Variants in CSMD1 observed in about 807,000 individuals in gnomAD.
CSMD1 encodes the protein CUB and sushi domain-containing protein 1.
Under a neutral mutation model 417.5 loss-of-function variants are expected in CSMD1, and 213 were observed. The observed-to-expected ratio is 0.51, with a 90% CI of 0.46 to 0.57. The LOEUF is 0.57. Among genes scored for constraint, CSMD1 ranks in the 20% least tolerant of loss-of-function variants. CSMD1 has a pLI of 0.00. For missense variants in CSMD1, 6,923 were observed against 4,529.7 expected, an observed-to-expected ratio of 1.53 and a Z score of -15.17; for synonymous variants, 2,862 against 1,736.8, an observed-to-expected ratio of 1.65 and a Z score of -16.11.
At chr8:3,463,477 G>T (rs190760842) in intron 12 of CSMD1, among the ~76,000 whole-genome samples, 1 of 152,176 alleles carries the variant, frequency 6.6e-6, no homozygotes, top group South Asian at 2.1e-4. Context: ...TTGAAGCCAC[G>T]TCCTGCAGCT....
intron 3 of CSMD1, among the ~76,000 whole-genome samples, chr8:4,377,012 C>A (rs1015622848): frequency 6.6e-6 from 1 of 152,204 alleles, no homozygotes. Flanking sequence ...GACACAGGTA[C>A]AGTGGCAAGT....
At chr8:4,456,721 G>A (rs1234076921) in intron 2 of CSMD1, among the ~76,000 whole-genome samples, 2 of 152,110 alleles carry the variant, frequency 1.3e-5, no homozygotes, top group East Asian at 1.9e-4. Flanking sequence ...TGGACCCCCT[G>A]CTGCATCAGT....
chr8:3,101,311 T>A (rs1427150313), intron 46 of CSMD1, among the ~76,000 whole-genome samples: 1 of 152,216 alleles, frequency 6.6e-6, no homozygotes, highest in African/African-American at 2.4e-5. Context: ...TCTCTTCACT[T>A]TTTGAAATGC....
chr8:3,666,850 A>G (rs1358059136), intron 7 of CSMD1, among the ~76,000 whole-genome samples: 1 of 152,120 alleles, frequency 6.6e-6, no homozygotes, highest in Admixed American at 6.5e-5. Flanking sequence ...TTTCTTTACA[A>G]ATTACTCAGT....
At chr8:4,607,476 C>T (rs1388810733) in intron 2 of CSMD1, among the ~76,000 whole-genome samples, 1 of 152,056 alleles carries the variant, frequency 6.6e-6, no homozygotes, top group Non-Finnish European at 1.5e-5. Flanking sequence ...CTGATACGAC[C>T]CAGAAAACCC....
intron 1 of CSMD1, among the ~76,000 whole-genome samples, chr8:4,823,207 T>A (rs1441476896): frequency 6.6e-6 from 1 of 152,064 alleles, no homozygotes; most frequent in Non-Finnish European, 1.5e-5. Flanking sequence ...TTATTAGGTT[T>A]AATCCAAATG....
chr8:4,427,230 G>T (rs116187087), intron 2 of CSMD1, among the ~76,000 whole-genome samples: 10 of 152,114 alleles, frequency 6.6e-5, no homozygotes, highest in African/African-American at 2.4e-4. Flanking sequence ...AGAGGCACAC[G>T]CCGTGCCCTG....
chr8:3,674,684 C>T (rs1257393131), intron 7 of CSMD1, among the ~76,000 whole-genome samples: 1 of 151,974 alleles, frequency 6.6e-6, no homozygotes, highest in Non-Finnish European at 1.5e-5. Context: ...ATATAACCAG[C>T]AGAGGCAGAG....
chr8:4,397,764 GA>G (rs1326146856), intron 3 of CSMD1, among the ~76,000 whole-genome samples: 1 of 151,826 alleles, frequency 6.6e-6, no homozygotes, highest in Non-Finnish European at 1.5e-5. Flanking sequence ...GACATGAAGG[GA>G]AAAACCTTAA....
chr8:3,557,791 G>C (rs1799220541), intron 10 of CSMD1, among the ~76,000 whole-genome samples: 1 of 152,162 alleles, frequency 6.6e-6, no homozygotes, highest in African/African-American at 2.4e-5. Flanking sequence ...GACAGATAGA[G>C]TCTTTGGTTG....
intron 2 of CSMD1, among the ~76,000 whole-genome samples, chr8:4,573,569 G>C (rs1031946992): frequency 1.3e-5 from 2 of 152,124 alleles, no homozygotes; most frequent in Non-Finnish European, 2.9e-5. Flanking sequence ...TCCCTGCTGG[G>C]AGGTGTCTCC....
chr8:3,855,725 T>C (rs1176773686), intron 5 of CSMD1, among the ~76,000 whole-genome samples: 1 of 152,186 alleles, frequency 6.6e-6, no homozygotes, highest in Non-Finnish European at 1.5e-5. Flanking sequence ...CTGAGAAAAT[T>C]TCATTTTCAT....
At chr8:3,378,978 G>T (rs773542083) in intron 18 of CSMD1, among the ~76,000 whole-genome samples, 8 of 152,216 alleles carry the variant, frequency 5.3e-5, no homozygotes, top group Non-Finnish European at 1.0e-4. Flanking sequence ...GAGATGACAT[G>T]ATTGTATATT....
rs1223578175 is a variant in CSMD1 at position 4,224,873 on chromosome 8, AC to A, written c.416-192775del. 2.0e-5 allele frequency among the ~76,000 whole-genome samples: 3 copies of A among 149,844 alleles called. No homozygotes were observed. In the Admixed American group the frequency reaches 2.0e-4, roughly 10 times the overall value. ...GCCTGTCATCCCAGCACTTTGGGAT[AC>A]CAAGGCAGGTGGATCATTTGAGGTC... On this transcript the variant is annotated intron_variant, in intron 3 of 69. Coordinates refer to ENST00000635120, the MANE Select transcript of CSMD1 (RefSeq NM_033225.6).
intron 3 of CSMD1, among the ~76,000 whole-genome samples, chr8:4,126,149 C>G (rs1802751962): frequency 1.3e-5 from 2 of 152,134 alleles, no homozygotes; most frequent in Admixed American, 6.5e-5. Context: ...CCAGTCAGCA[C>G]TACCCACTTC....
At chr8:4,530,019 A>G (rs1453904209) in intron 2 of CSMD1, among the ~76,000 whole-genome samples, 2 of 151,738 alleles carry the variant, frequency 1.3e-5, no homozygotes, top group African/African-American at 4.8e-5. Context: ...GGTTCATGCC[A>G]TTTTCCTGCC....
intron 23 of CSMD1, among the ~76,000 whole-genome samples, chr8:3,317,945 G>A (rs573227147): frequency 3.5e-4 from 53 of 152,212 alleles, no homozygotes; most frequent in African/African-American, 1.2e-3. Flanking sequence ...TGAGTAGCTG[G>A]GACCACAGAT....
At chr8:4,809,879 T>A (rs967581967) in intron 1 of CSMD1, among the ~76,000 whole-genome samples, 2 of 152,190 alleles carry the variant, frequency 1.3e-5, no homozygotes, top group African/African-American at 4.8e-5. Flanking sequence ...GGTTGCCATA[T>A]TAAACAGTGC....
At chr8:4,160,603 C>T (rs1007021346) in intron 3 of CSMD1, among the ~76,000 whole-genome samples, 5 of 152,222 alleles carry the variant, frequency 3.3e-5, no homozygotes, top group Non-Finnish European at 7.3e-5. Flanking sequence ...CATTTACACA[C>T]TGTGGATGTC....
Sources: allele counts gnomAD v4.1 joint callset (sites outside exome capture counted in the v4.1 genomes callset), GRCh38; gene constraint gnomAD v4.1.1; transcripts MANE v1.5; gene names NCBI Gene and HGNC (gene_info 2026-07-23, HGNC 2026-07-21).